Variants in KCND2 observed in about 807,000 individuals in gnomAD.
The protein encoded by KCND2 is A-type voltage-gated potassium channel KCND2.
Under a neutral mutation model 54.4 loss-of-function variants are expected in KCND2, and 16 were observed. That is an observed-to-expected ratio of 0.29 (90% CI 0.20 to 0.45). The LOEUF (loss-of-function observed/expected upper bound fraction) is 0.45, where lower values mean the gene tolerates loss of function less well. Ranked by LOEUF, KCND2 falls within the 20% of genes least tolerant of loss-of-function variation. The probability of loss-of-function intolerance (pLI) is 1.00; values close to 1 mark genes in which losing one functional copy is unlikely to be tolerated. For synonymous variants in KCND2, 317 were observed against 310.7 expected (o/e 1.02, Z -0.21); for missense variants, 486 against 824.2 (o/e 0.59, Z 5.02).
intron 1 of KCND2, among the ~76,000 whole-genome samples, chr7:120,438,647 C>T (rs1801903510): frequency 6.6e-6 from 1 of 151,982 alleles, no homozygotes; most frequent in South Asian, 2.1e-4. Context: ...ATATGATGTA[C>T]ATTACAAGAA....
At chr7:120,630,354 T>C (rs1276365051) in intron 1 of KCND2, among the ~76,000 whole-genome samples, 1 of 152,164 alleles carries the variant, frequency 6.6e-6, no homozygotes, top group Non-Finnish European at 1.5e-5. Flanking sequence ...TTAAAGTTGC[T>C]GTTGCATTTC....
chr7:120,509,581 C>T (rs1803081208), intron 1 of KCND2, among the ~76,000 whole-genome samples: 1 of 152,048 alleles, frequency 6.6e-6, no homozygotes, highest in African/African-American at 2.4e-5. Flanking sequence ...CACACCACAG[C>T]GGTTCTGTGG....
chr7:120,637,354 T>A (rs561264535), intron 1 of KCND2, among the ~76,000 whole-genome samples: 1 of 152,260 alleles, frequency 6.6e-6, no homozygotes, highest in African/African-American at 2.4e-5. Flanking sequence ...CTTCTTTGAA[T>A]TCAAAATATG....
At position 120,645,356 on chromosome 7, in the gene KCND2, A is replaced by T. The variant is rs191358630; in HGVS notation, c.1116-87547A>T. Among the ~76,000 whole-genome samples the T allele has an allele frequency of 8.7e-3, 1,322 of 152,294 alleles. 10 individuals are homozygous for T. The highest frequency in any genetic ancestry group is 0.014 in the Non-Finnish European group (974 of 68,034). ...GTGGCCCATGACTAGTGGCATGTTA[A>T]TATAGGGTTCTGTGGCCCATGACTA... On this transcript the variant is annotated intron_variant, in intron 1 of 5. Coordinates refer to ENST00000331113, the MANE Select transcript of KCND2 (RefSeq NM_012281.3).
At chr7:120,690,800 G>T (rs1466780322) in intron 1 of KCND2, among the ~76,000 whole-genome samples, 1 of 152,138 alleles carries the variant, frequency 6.6e-6, no homozygotes, top group East Asian at 1.9e-4. Context: ...TGCCCTTATG[G>T]ATCTTACATT....
intron 1 of KCND2, among the ~76,000 whole-genome samples, chr7:120,301,563 T>A (rs1246804562): frequency 6.6e-6 from 1 of 152,170 alleles, no homozygotes; most frequent in Non-Finnish European, 1.5e-5. Context: ...AATTGCATAC[T>A]TTTTTATAAA....
chr7:120,371,412 C>G (rs1800763243), intron 1 of KCND2, among the ~76,000 whole-genome samples: 1 of 152,068 alleles, frequency 6.6e-6, no homozygotes, highest in African/African-American at 2.4e-5. Flanking sequence ...TAATGTATTT[C>G]TTGGACTGGA....
At chr7:120,325,123 A>G (rs971672282) in intron 1 of KCND2, among the ~76,000 whole-genome samples, 11 of 146,634 alleles carry the variant, frequency 7.5e-5, no homozygotes, top group Non-Finnish European at 1.0e-4. Flanking sequence ...GTGTATAAGA[A>G]TGCTTGTGAT....
chr7:120,681,987 T>C (rs1792145523), intron 1 of KCND2, among the ~76,000 whole-genome samples: 1 of 152,018 alleles, frequency 6.6e-6, no homozygotes, highest in Non-Finnish European at 1.5e-5. Context: ...GGAAAGATAC[T>C]GTTTAAAAGC....
intron 1 of KCND2, 83 bp downstream of exon 1, chr7:120,275,830 G>T (rs1341593996): frequency 2.9e-5 from 42 of 1,425,230 alleles, no homozygotes; most frequent in Non-Finnish European, 3.9e-5. Context: ...TGGTAACTCC[G>T]GGGAAATCAT....
chr7:120,737,074 AC>A (rs1329826922), intron 2 of KCND2, among the ~76,000 whole-genome samples: 3,018 of 139,416 alleles, frequency 0.022, 184 homozygotes, highest in African/African-American at 0.076. Context: ...ACACACACAC[AC>A]AAACAAAAAA....
intron 1 of KCND2, among the ~76,000 whole-genome samples, chr7:120,489,548 G>C (rs536943347): frequency 6.6e-6 from 1 of 152,228 alleles, no homozygotes; most frequent in South Asian, 2.1e-4. Context: ...TTGTGTTCCT[G>C]ATGGATCCTC....
intron 1 of KCND2, among the ~76,000 whole-genome samples, chr7:120,690,286 T>A (rs1343077919): frequency 6.6e-6 from 1 of 152,194 alleles, no homozygotes; most frequent in East Asian, 1.9e-4. Context: ...TGCTTTATTA[T>A]TTTTAAAATA....
intron 1 of KCND2, among the ~76,000 whole-genome samples, chr7:120,453,925 A>T (rs2116223787): frequency 6.6e-6 from 1 of 152,224 alleles, no homozygotes; most frequent in African/African-American, 2.4e-5. Context: ...CTCTACTGAA[A>T]ATATAAAAAT....
At chr7:120,618,134 C>A (rs1472907587) in intron 1 of KCND2, among the ~76,000 whole-genome samples, 1 of 152,088 alleles carries the variant, frequency 6.6e-6, no homozygotes, top group Non-Finnish European at 1.5e-5. Context: ...TGTAAAAAAC[C>A]TGCGCATGTA....
At chr7:120,486,478 G>A (rs1453975062) in intron 1 of KCND2, among the ~76,000 whole-genome samples, 1 of 151,910 alleles carries the variant, frequency 6.6e-6, no homozygotes, top group Non-Finnish European at 1.5e-5. Flanking sequence ...ATTAAGATAG[G>A]GGTTAGTTAG....
At chr7:120,731,192 A>G (rs187978464) in intron 1 of KCND2, among the ~76,000 whole-genome samples, 37 of 152,356 alleles carry the variant, frequency 2.4e-4, no homozygotes, top group Non-Finnish European at 4.7e-4. Context: ...CACGAAACAC[A>G]AAGTAGAACT....
At chr7:120,675,420 G>A (rs1014034810) in intron 1 of KCND2, among the ~76,000 whole-genome samples, 1 of 150,172 alleles carries the variant, frequency 6.7e-6, no homozygotes, top group Non-Finnish European at 1.5e-5. Context: ...TTTATTTTTA[G>A]TAGAGATGGG....
At chr7:120,716,774 C>T (rs1792608363) in intron 1 of KCND2, among the ~76,000 whole-genome samples, 1 of 151,960 alleles carries the variant, frequency 6.6e-6, no homozygotes. Context: ...ATTTGATATA[C>T]ATATTTAATC....
Sources: gnomAD v4.1 joint callset for allele counts (sites outside exome capture counted in the v4.1 genomes callset) on GRCh38, gnomAD v4.1.1 for gene constraint, MANE v1.5 for transcripts, NCBI Gene and HGNC (gene_info 2026-07-23, HGNC 2026-07-21) for gene names.